The following GALNTL6 variants were observed in gnomAD, a reference collection of about 807,000 sequenced individuals.
The protein encoded by GALNTL6 is polypeptide N-acetylgalactosaminyltransferase-like 6.
GALNTL6 carries 46 observed loss-of-function variants against 73.7 expected under a neutral mutation model. The observed-to-expected ratio is 0.62, with a 90% CI of 0.49 to 0.80. The LOEUF is 0.80. Among genes scored for constraint, GALNTL6 ranks in the 30% least tolerant of loss-of-function variants. GALNTL6 has a pLI of 0.00. For missense variants in GALNTL6, 604 were observed against 755.0 expected (o/e 0.80, Z 2.34); for synonymous variants, 259 against 263.7 (o/e 0.98, Z 0.17).
rs575179619 is a variant in GALNTL6, at chr4:171,900,950, T to A, written c.138+86232T>A. ...AATGGAAAATAATTGAATTTAATAA[T>A]GATGAGGGCAAAACTATGGAGCAGG... On this transcript the variant is annotated intron_variant, in intron 2 of 12. Transcript: ENST00000506823. Among the ~76,000 whole-genome samples, 3 of 152,122 alleles carry A rather than the reference T, an allele frequency of 2.0e-5. No homozygotes were observed. In the South Asian group the frequency reaches 6.2e-4, roughly 31 times the overall value.
rs149610273 is a variant in GALNTL6, at chr4:172,629,660, A to G, written c.554-179701A>G. Among the ~76,000 whole-genome samples, 650 of 152,316 alleles carry G rather than the reference A, an allele frequency of 4.3e-3. 5 individuals carry two copies. Among genetic ancestry groups the G allele is most frequent in the African/African-American group, 0.015 (627 of 41,586 alleles). Reference sequence around the variant, plus strand: ...AGTTTCTGCTGCTTATACACCAACCATCAATGCTATTATGGATTATCACTT... The same window carrying G: ...AGTTTCTGCTGCTTATACACCAACCGTCAATGCTATTATGGATTATCACTT... On this transcript the variant is annotated intron_variant, in intron 5 of 12. Coordinates refer to ENST00000506823, the MANE Select transcript of GALNTL6 (RefSeq NM_001034845.3).
chr4:172,373,143 C>A (rs1742885668), intron 5 of GALNTL6, among the ~76,000 whole-genome samples: 1 of 152,016 alleles, frequency 6.6e-6, no homozygotes, highest in South Asian at 2.1e-4. Context: ...GGGCCAGTGC[C>A]TGACCAAACA....
At chr4:172,577,811 G>T (rs1372508858) in intron 5 of GALNTL6, among the ~76,000 whole-genome samples, 1 of 152,140 alleles carries the variant, frequency 6.6e-6, no homozygotes, top group East Asian at 1.9e-4. Context: ...AGCGATATAT[G>T]ACAGTCAGAA....
At position 172,158,322 on chromosome 4, in the gene GALNTL6, A is replaced by G. The variant is rs145013940; in HGVS notation, c.139-71334A>G. Reference sequence around the variant, plus strand: ...AAGATAAAAATCTGGGTTTTGGAATATAAGTGAAGCAAATGCAGTCCCCTT... The same window carrying G: ...AAGATAAAAATCTGGGTTTTGGAATGTAAGTGAAGCAAATGCAGTCCCCTT... On this transcript the variant is annotated intron_variant, in intron 2 of 12. Coordinates refer to ENST00000506823, the MANE Select transcript of GALNTL6 (RefSeq NM_001034845.3). 4.1e-3 allele frequency among the ~76,000 whole-genome samples: 619 copies of G among 152,278 alleles called. 8 individuals are homozygous for G. The highest frequency in any genetic ancestry group is 0.014 in the African/African-American group (589 of 41,578).
intron 2 of GALNTL6, among the ~76,000 whole-genome samples, chr4:172,060,425 T>G (rs553810841): frequency 1.3e-5 from 2 of 152,350 alleles, no homozygotes; most frequent in Admixed American, 1.3e-4. Flanking sequence ...AATTGTATAC[T>G]TTAATTGCTC....
chr4:173,029,327 C>G (rs577117510), intron 12 of GALNTL6, among the ~76,000 whole-genome samples: 1 of 152,300 alleles, frequency 6.6e-6, no homozygotes, highest in South Asian at 2.1e-4. Flanking sequence ...TTACTCAAGA[C>G]AGATCCCAAA....
intron 5 of GALNTL6, among the ~76,000 whole-genome samples, chr4:172,641,555 C>T (rs1000250342): frequency 6.6e-6 from 1 of 152,000 alleles, no homozygotes; most frequent in Non-Finnish European, 1.5e-5. Flanking sequence ...CTGCATGGCT[C>T]GCTCCTTCAC....
chr4:172,251,398 C>T (rs2111015206), intron 3 of GALNTL6, among the ~76,000 whole-genome samples: 1 of 152,216 alleles, frequency 6.6e-6, no homozygotes, highest in East Asian at 1.9e-4. Context: ...TTTGAGCATA[C>T]ATTTTAGCAC....
chr4:172,911,811 G>T (rs956754587), intron 8 of GALNTL6, among the ~76,000 whole-genome samples: 4 of 152,148 alleles, frequency 2.6e-5, no homozygotes, highest in Non-Finnish European at 4.4e-5. Flanking sequence ...CCTTCCAGTT[G>T]TTCCTTCCTT....
At chr4:172,990,571 T>A (rs1391760536) in intron 10 of GALNTL6, among the ~76,000 whole-genome samples, 1 of 152,164 alleles carries the variant, frequency 6.6e-6, no homozygotes, top group Non-Finnish European at 1.5e-5. Context: ...TGAAAGTTTT[T>A]TTTTTTTAAT....
At chr4:172,922,340 A>C (rs1747840000) in intron 8 of GALNTL6, among the ~76,000 whole-genome samples, 1 of 152,196 alleles carries the variant, frequency 6.6e-6, no homozygotes, top group African/African-American at 2.4e-5. Flanking sequence ...CATACTACCA[A>C]AAATTTCTTT....
chr4:172,484,987 T>C (rs1270528670), intron 5 of GALNTL6, among the ~76,000 whole-genome samples: 1 of 152,138 alleles, frequency 6.6e-6, no homozygotes, highest in Non-Finnish European at 1.5e-5. Context: ...ATTTTTAATA[T>C]AAAGAGCATA....
chr4:172,352,784 C>T (rs995402902), intron 5 of GALNTL6, among the ~76,000 whole-genome samples: 8 of 151,900 alleles, frequency 5.3e-5, no homozygotes, highest in South Asian at 4.1e-4. Flanking sequence ...GGCACACAGG[C>T]GCACACTCAC....
chr4:172,901,898 C>A (rs1413153493), intron 8 of GALNTL6, among the ~76,000 whole-genome samples: 3 of 152,194 alleles, frequency 2.0e-5, no homozygotes, highest in Non-Finnish European at 4.4e-5. Flanking sequence ...TCTGTCTGCA[C>A]TGTGTCCAGT....
chr4:172,421,261 T>G (rs1731045487), intron 5 of GALNTL6, among the ~76,000 whole-genome samples: 1 of 152,180 alleles, frequency 6.6e-6, no homozygotes, highest in Admixed American at 6.6e-5. Flanking sequence ...CCTCTAAATT[T>G]GTTTCCTAAT....
chr4:172,843,854 T>C (rs550073852), intron 7 of GALNTL6, among the ~76,000 whole-genome samples: 93 of 152,042 alleles, frequency 6.1e-4, no homozygotes, highest in Admixed American at 1.6e-3. Context: ...AAGTTAGGAG[T>C]TCCTGACCAG....
chr4:172,295,100 A>C (rs1053170906), intron 3 of GALNTL6, among the ~76,000 whole-genome samples: 11 of 152,246 alleles, frequency 7.2e-5, no homozygotes, highest in Admixed American at 7.2e-4. Context: ...AGCTATCTCC[A>C]GGTACTAGGC....
intron 5 of GALNTL6, among the ~76,000 whole-genome samples, chr4:172,444,983 T>C (rs1731969491): frequency 1.3e-5 from 2 of 152,154 alleles, no homozygotes; most frequent in Non-Finnish European, 2.9e-5. Context: ...CAGCCATGAC[T>C]GTAACTCTGT....
In GALNTL6 at chr4:172,343,676, G is replaced by T. The variant is rs143808623; in HGVS notation, c.387-4847G>T. On this transcript the variant is annotated intron_variant, in intron 4 of 12. Coordinates refer to ENST00000506823, the MANE Select transcript of GALNTL6 (RefSeq NM_001034845.3). Reference sequence around the variant, plus strand: ...TAGCAAATGCCAATATAAAAAATCAGAAAACGTTTATGTATTCTGTTTTGG... The same window carrying T: ...TAGCAAATGCCAATATAAAAAATCATAAAACGTTTATGTATTCTGTTTTGG... Among the ~76,000 whole-genome samples the T allele has an allele frequency of 1.9e-3, 283 of 152,114 alleles. 1 individual carries two copies. Among genetic ancestry groups the T allele is most frequent in the Admixed American group, 0.016 (242 of 15,276 alleles).
Sources: gnomAD v4.1 joint callset for allele counts (sites outside exome capture counted in the v4.1 genomes callset) on GRCh38, gnomAD v4.1.1 for gene constraint, MANE v1.5 for transcripts, NCBI Gene and HGNC (gene_info 2026-07-23, HGNC 2026-07-21) for gene names.